The following PDZD2 variants were observed in gnomAD, a reference collection of about 807,000 sequenced individuals.
PDZD2 encodes PDZ domain-containing protein 2.
In PDZD2, 90 loss-of-function variants were observed where a neutral mutation model predicts 220.7. The ratio of observed to expected loss-of-function variants is 0.41; its 90% CI spans 0.34 to 0.49. PDZD2 has a LOEUF of 0.49. PDZD2 is among the 20% of genes least tolerant of loss of function. The pLI is 0.28. For missense variants in PDZD2, 3,174 were observed against 3,608.5 expected (o/e 0.88, Z 3.08); for synonymous variants, 1,375 against 1,450.5 (o/e 0.95, Z 1.18).
intron 1 of PDZD2, among the ~76,000 whole-genome samples, chr5:31,773,436 C>T (rs184712855): frequency 2.0e-5 from 3 of 148,622 alleles, no homozygotes; most frequent in East Asian, 2.0e-4. Flanking sequence ...GTCAGGAGCC[C>T]GAGACCAGCC....
intron 2 of PDZD2, chr5:31,820,766 C>T (rs1375312082): frequency 2.0e-5 from 3 of 152,054 alleles, no homozygotes; most frequent in Middle Eastern, 3.4e-3. Context: ...CAAATTACAC[C>T]CCTACCAATA....
At chr5:31,665,603 T>A (rs1243577870) in intron 1 of PDZD2, among the ~76,000 whole-genome samples, 2 of 151,304 alleles carry the variant, frequency 1.3e-5, no homozygotes, top group Non-Finnish European at 2.9e-5. Flanking sequence ...GAGGGAGTTC[T>A]CATGAGATCC....
At chr5:32,008,284 C>CT (rs58124921) in intron 5 of PDZD2, among the ~76,000 whole-genome samples, 24,317 of 128,998 alleles carry the variant, frequency 0.19, 3,393 homozygotes, top group African/African-American at 0.37. Flanking sequence ...TCTTTTGTTT[C>CT]TTTTTTTTTT....
At chr5:31,876,991 T>C (rs1322519003) in intron 2 of PDZD2, among the ~76,000 whole-genome samples, 1 of 152,236 alleles carries the variant, frequency 6.6e-6, no homozygotes, top group African/African-American at 2.4e-5. Context: ...CTCAGGTTTA[T>C]CTATAAAATG....
At chr5:31,758,416 GT>G (rs748307277) in intron 1 of PDZD2, among the ~76,000 whole-genome samples, 2 of 152,200 alleles carry the variant, frequency 1.3e-5, no homozygotes, top group Non-Finnish European at 2.9e-5. Context: ...GCAGATGCAT[GT>G]GGGGCCTGGA....
At chr5:31,909,250 C>T (rs1742966052) in intron 2 of PDZD2, 2 of 153,036 alleles carry the variant, frequency 1.3e-5, no homozygotes, top group Admixed American at 6.5e-5. Context: ...TTGTCATCCA[C>T]ACAACAACAG....
At chr5:31,954,925 A>G (rs985076415) in intron 2 of PDZD2, among the ~76,000 whole-genome samples, 8 of 152,058 alleles carry the variant, frequency 5.3e-5, no homozygotes, top group Admixed American at 2.6e-4. Flanking sequence ...GGACAGAGAG[A>G]GACTCTGTCT....
chr5:31,671,794 C>A (rs11948884), intron 1 of PDZD2, among the ~76,000 whole-genome samples: 110,607 of 152,066 alleles, frequency 0.73, 41,845 homozygotes, highest in Non-Finnish European at 0.84. Context: ...ATTCCTGGGG[C>A]CCACCCCTGC....
chr5:31,941,474 G>T (rs73066478), intron 2 of PDZD2, among the ~76,000 whole-genome samples: 2,013 of 152,340 alleles, frequency 0.013, 37 homozygotes, highest in African/African-American at 0.046. Flanking sequence ...CTGCAGGAAA[G>T]AAGGTGGCAA....
chr5:31,983,065 C>T (rs1750425118), intron 2 of PDZD2, 90 bp from the exon 3 acceptor site: 5 of 1,394,530 alleles, frequency 3.6e-6, no homozygotes, highest in Non-Finnish European at 4.9e-6. Flanking sequence ...AACTGGTCGT[C>T]ACTTGGGTGG....
intron 2 of PDZD2, among the ~76,000 whole-genome samples, chr5:31,870,741 T>G (rs1224238043): frequency 6.6e-6 from 1 of 151,870 alleles, no homozygotes; most frequent in African/African-American, 2.4e-5. Flanking sequence ...ATACAAAAAT[T>G]AGCCGGGCAT....
chr5:32,081,988 G>A (rs1358735618), intron 19 of PDZD2, among the ~76,000 whole-genome samples: 1 of 150,370 alleles, frequency 6.7e-6, no homozygotes, highest in East Asian at 2.0e-4. Context: ...GAAGTGCTGG[G>A]ATTACAGGCG....
intron 2 of PDZD2, among the ~76,000 whole-genome samples, chr5:31,954,429 A>G (rs1747475773): frequency 7.0e-6 from 1 of 142,366 alleles, no homozygotes; most frequent in Non-Finnish European, 1.6e-5. Context: ...TTTGAATAGC[A>G]TTGCCAATTT....
rs749441529 is a variant in PDZD2 at position 32,074,474 on chromosome 5, G to T, written c.3368G>T (p.Arg1123Met). 6.2e-7 allele frequency: 1 copy of T among 1,614,106 alleles called. No homozygotes were observed. Among genetic ancestry groups the T allele is most frequent in the Non-Finnish European group, 8.5e-7 (1 of 1,179,932 alleles). ...GLGSRHRPVA[R>M]VSPHCKRSEA... ...GGCTCCAGGCACAGACCAGTGGCCA[G>T]GGTAAGCCCCCACTGCAAGAGATCC... is the stretch of plus-strand genomic sequence containing the variant. Residue 1123 changes from arginine to methionine, a missense_variant, in exon 18 of 25, where the codon AGG becomes ATG. Transcript: ENST00000438447.
chr5:31,994,618 T>C (rs1281781212), intron 3 of PDZD2, among the ~76,000 whole-genome samples: 2 of 152,156 alleles, frequency 1.3e-5, no homozygotes, highest in South Asian at 2.1e-4. Context: ...CCTGAGTAGC[T>C]GGGATTACAG....
In PDZD2 at chr5:32,108,182, T is replaced by C; in HGVS notation, c.*47T>C. ...TCAGTTCTCTTCTTTCTTTAGCAAA[T>C]CAGAGTGACTTCTTTAAACCACAGG... is the stretch of plus-strand genomic sequence containing the variant. On this transcript the variant is annotated 3_prime_UTR_variant, in exon 25 of 25. Coordinates refer to ENST00000438447, the MANE Select transcript of PDZD2 (RefSeq NM_178140.4). 1.5e-6 allele frequency: 2 copies of C among 1,354,858 alleles called. No homozygotes were observed. Among genetic ancestry groups the C allele is most frequent in the Non-Finnish European group, 2.1e-6 (2 of 967,410 alleles). 83.9% of individuals were successfully genotyped at this position (1,354,858 alleles called of 1,614,324 possible).
chr5:31,971,044 C>G (rs979863730), intron 2 of PDZD2, among the ~76,000 whole-genome samples: 27 of 152,270 alleles, frequency 1.8e-4, no homozygotes, highest in African/African-American at 6.5e-4. Context: ...CAGAAAGCTG[C>G]TCTACAGCCT....
At chr5:31,850,193 T>A (rs546784385) in intron 2 of PDZD2, among the ~76,000 whole-genome samples, 1 of 128,230 alleles carries the variant, frequency 7.8e-6, no homozygotes, top group Non-Finnish European at 1.6e-5. Context: ...TAAGTATATA[T>A]GTATATATAA....
intron 1 of PDZD2, among the ~76,000 whole-genome samples, chr5:31,716,304 C>T (rs1224747615): frequency 6.6e-6 from 1 of 152,162 alleles, no homozygotes; most frequent in Non-Finnish European, 1.5e-5. Flanking sequence ...GTAAGAGACA[C>T]AGACATGGAA....
Sources: gnomAD v4.1 joint callset for allele counts (sites outside exome capture counted in the v4.1 genomes callset) on GRCh38, gnomAD v4.1.1 for gene constraint, MANE v1.5 for transcripts, NCBI Gene and HGNC (gene_info 2026-07-23, HGNC 2026-07-21) for gene names.